The following CSKMT variants were observed in gnomAD, a reference collection of about 807,000 sequenced individuals.
CSKMT encodes the protein citrate synthase-lysine N-methyltransferase CSKMT, mitochondrial.
A neutral mutation model predicts 4.6 loss-of-function variants in CSKMT; 6 were observed. The observed-to-expected ratio is 1.31, with a 90% CI of 0.72 to 2.59. CSKMT has a LOEUF of 2.59. Ranked by LOEUF, CSKMT falls within the 30% of genes most tolerant of loss-of-function variation. The pLI is 0.00. For synonymous variants in CSKMT, 142 were observed against 128.9 expected, an observed-to-expected ratio of 1.10 and a Z score of -0.69; for missense variants, 328 against 298.0, an observed-to-expected ratio of 1.10 and a Z score of -0.74.
intron 2 of CSKMT, 190 bp from the exon 3 acceptor site, chr11:62,666,206 G>A (rs1193883016): frequency 1.4e-6 from 1 of 723,062 alleles, no homozygotes; most frequent in African/African-American, 1.8e-5. Context: ...CGGGCACGAT[G>A]GCGCCTATAG....
chr11:62,667,782 C>T lies in CSKMT; in HGVS notation c.*731C>T. 7.2e-7 allele frequency: 1 copy of T among 1,394,590 alleles called. No individual in the cohort carries two copies. Among genetic ancestry groups the T allele is most frequent in the South Asian group, 1.2e-5 (1 of 83,756 alleles). 86.4% of individuals were successfully genotyped at this position (1,394,590 alleles called of 1,614,324 possible). On this transcript the variant is annotated 3_prime_UTR_variant, in exon 3 of 3. Coordinates refer to ENST00000532971, the MANE Select transcript of CSKMT (RefSeq NM_001043229.2). ...AGGAAGAGAGGGGACAAAAATATTA[C>T]TGATATATTATCAAATTACAAAACT...
rs1944838328 is a variant in CSKMT at position 62,667,029 on chromosome 11, A to G, written c.701A>G (p.Tyr234Cys). The change falls in exon 3 of 3, where the codon TAC becomes TGC. Residue 234 changes from tyrosine to cysteine, a missense_variant. Transcript: ENST00000532971. ...TTCAGGGGCATCACCTACTTTGCTT[A>G]CTTGATTCAAGGCTCTCATTAAAGA... is the stretch of plus-strand genomic sequence containing the variant. ...GPFRGITYFA[Y>C]LIQGSH 1.2e-6 allele frequency: 2 copies of G among 1,605,984 alleles called. No homozygotes were observed. The highest frequency in any genetic ancestry group is 8.5e-7 in the Non-Finnish European group (1 of 1,176,022).
intron 1 of CSKMT, 76 bp from the exon 2 acceptor site, chr11:62,665,571 G>C: frequency 6.4e-7 from 1 of 1,568,538 alleles, no homozygotes; most frequent in Non-Finnish European, 8.6e-7. Context: ...CGGGACACCG[G>C]GAATCTCGGA....
At chr11:62,666,016 G>A (rs909195760) in intron 2 of CSKMT, 70 bp downstream of exon 2, 95 of 1,514,590 alleles carry the variant, frequency 6.3e-5, no homozygotes, top group Non-Finnish European at 8.0e-5. Context: ...TGGGTTCCTC[G>A]TGAGTCAGGA....
chr11:62,666,689 G>GGA lies in CSKMT; in HGVS notation c.361_362insGA (p.Glu121GlyfsTer66). On this transcript the variant is annotated frameshift_variant, in exon 3 of 3. Coordinates refer to ENST00000532971, the MANE Select transcript of CSKMT (RefSeq NM_001043229.2). LOFTEE classifies it low-confidence loss of function (END_TRUNC). Reference sequence around the variant, plus strand: ...TGTGGCCCACATGAATAGCCTCCTGGAGGGTGGCCCAGGCCAAACACCTCT... The same window carrying GGA: ...TGTGGCCCACATGAATAGCCTCCTGGGAAGGGTGGCCCAGGCCAAACACCTCT... The GGA allele has an allele frequency of 6.2e-6, 10 of 1,614,070 alleles. No homozygotes were observed. The highest frequency in any genetic ancestry group is 8.5e-6 in the Non-Finnish European group (10 of 1,180,016).
Position 62,667,084 on chromosome 11 carries a change from T to C in CSKMT, c.*33T>C. ...TTAGTAGTCCTGACCCTAGTATTTC[T>C]GTGGGCAAGGAGAGGGCTGAAGAAC... is the stretch of plus-strand genomic sequence containing the variant. On this transcript the variant is annotated 3_prime_UTR_variant, in exon 3 of 3. Coordinates refer to ENST00000532971, the MANE Select transcript of CSKMT (RefSeq NM_001043229.2). The C allele has an allele frequency of 6.5e-7, 1 of 1,534,052 alleles. No individual in the cohort carries two copies. Among genetic ancestry groups the C allele is most frequent in the Non-Finnish European group, 8.8e-7 (1 of 1,141,352 alleles).
rs761154247 is a variant in CSKMT at position 62,665,561 on chromosome 11, CG to C, written c.-233-83del. 3.2e-6 allele frequency: 5 copies of C among 1,567,818 alleles called. No individual in the cohort carries two copies. The South Asian group carries it at 5.6e-5, about 18-fold the overall frequency. On this transcript the variant is annotated intron_variant, in intron 1 of 2. Transcript: ENST00000532971. ...ATCCGCTGGTTCTATCCTCAAACGCCGGGACACCGGGAATCTCGGAGAAGGA... is the reference window on the plus strand; with the variant it reads ...ATCCGCTGGTTCTATCCTCAAACGCCGGACACCGGGAATCTCGGAGAAGGA...
In CSKMT at chr11:62,665,974, G is replaced by A. The variant is rs373978238; in HGVS notation, c.67+28G>A. 11 of 1,594,594 alleles carry A rather than the reference G, an allele frequency of 6.9e-6. No homozygotes were observed. In the African/African-American group the frequency reaches 8.1e-5, roughly 12 times the overall value. ...AGGGAGGTGGGGGCAGAGTGGAGAG[G>A]GCAAGGTGGGGGCAGAGTGGGGAGG... On this transcript the variant is annotated intron_variant, in intron 2 of 2. Coordinates refer to ENST00000532971, the MANE Select transcript of CSKMT (RefSeq NM_001043229.2).
intron 1 of CSKMT, 33 bp downstream of exon 1, chr11:62,665,365 G>A: frequency 1.1e-6 from 1 of 934,916 alleles, no homozygotes; most frequent in Non-Finnish European, 1.6e-6. Context: ...TAGCCAGATT[G>A]GGCGGCCGGG....
At position 62,665,835 on chromosome 11, in the gene CSKMT, A is replaced by T. The variant is rs754078168; in HGVS notation, c.-45A>T. On this transcript the variant is annotated 5_prime_UTR_variant, in exon 2 of 3. Transcript: ENST00000532971. ...GGCCTCTCCGGCTGGAGTAGGGTGG[A>T]CGCTTCACATAAGCTTCTCTGGTCG... 1 of 1,603,314 alleles carries T rather than the reference A, an allele frequency of 6.2e-7. No homozygotes were observed. The highest frequency in any genetic ancestry group is 8.5e-7 in the Non-Finnish European group (1 of 1,172,246).
In CSKMT at chr11:62,666,467, A is replaced by C. The variant is rs1239186309; in HGVS notation, c.139A>C (p.Thr47Pro). ...DRLHAQPRLGTVPTFDWFFGY... is the reference protein window; with the variant it reads ...DRLHAQPRLGPVPTFDWFFGY... ...GCTGCATGCCCAGCCTCGTTTGGGC[A>C]CTGTCCCCACCTTCGACTGGTTCTT... Residue 47 changes from threonine to proline, a missense_variant, in exon 3 of 3, where the codon ACT becomes CCT. Transcript: ENST00000532971. 6.2e-7 allele frequency: 1 copy of C among 1,613,742 alleles called. No individual in the cohort carries two copies. Among genetic ancestry groups the C allele is most frequent in the East Asian group, 2.2e-5 (1 of 44,888 alleles).
In CSKMT at chr11:62,667,820, C is replaced by G; in HGVS notation, c.*769C>G. On this transcript the variant is annotated 3_prime_UTR_variant, in exon 3 of 3. Coordinates refer to ENST00000532971, the MANE Select transcript of CSKMT (RefSeq NM_001043229.2). ...AAATTACAAAACTAGGCCAGGCATG[C>G]TGGCTCATACCTATAATCACAGCAC... The G allele has an allele frequency of 9.2e-7, 1 of 1,083,256 alleles. No individual in the cohort carries two copies. The allele number at this position is 1,083,256 out of a possible 1,614,324, so 67.1% of individuals were successfully genotyped here. A position where few individuals can be genotyped will look rare whatever the true frequency, so the allele number is the denominator to read the frequency against.
In CSKMT at chr11:62,667,516, T is replaced by C; in HGVS notation, c.*465T>C. 6.2e-7 allele frequency: 1 copy of C among 1,609,852 alleles called. No homozygotes were observed. The highest frequency in any genetic ancestry group is 8.5e-7 in the Non-Finnish European group (1 of 1,176,142). On this transcript the variant is annotated 3_prime_UTR_variant, in exon 3 of 3. Transcript: ENST00000532971. ...GAGATATTTGAGGGGGAGGGAACAA[T>C]ACTTACCCTCAAAGCTATTAGGAGG...
chr11:62,666,561 G>A lies in CSKMT; in HGVS notation c.233G>A (p.Arg78Gln), dbSNP rs1218694454. The stretch of plus-strand genomic sequence containing the variant: ...GAGGCACAGGCTGCCAGTCCTCTGC[G>A]AGTGCTGGATGTGGGCTGTGGGACT... ...LQEAQAASPLRVLDVGCGTSS... is the reference protein window; with the variant it reads ...LQEAQAASPLQVLDVGCGTSS... The change falls in exon 3 of 3, where the codon CGA becomes CAA. Residue 78 changes from arginine (R) to glutamine (Q), a missense_variant. Transcript: ENST00000532971. The A allele has an allele frequency of 1.7e-5, 27 of 1,614,038 alleles. No homozygotes were observed. The highest frequency in any genetic ancestry group is 6.7e-5 in the East Asian group (3 of 44,902).
In CSKMT at chr11:62,665,912, G is replaced by A; in HGVS notation, c.33G>A (p.Pro11=). Residue 11 remains proline (P), a synonymous_variant, in exon 2 of 3, where the codon CCG becomes CCA. Transcript: ENST00000532971. ...CGCTGCGTCGAATGCTCCACTTGCC[G>A]AGCCTGATGATGGGGACGTGCCGCC... MAALRRMLHL[P]SLMMGTCRPF... 6.2e-7 allele frequency: 1 copy of A among 1,613,352 alleles called. No individual in the cohort carries two copies. The highest frequency in any genetic ancestry group is 2.2e-5 in the East Asian group (1 of 44,880).
Position 62,667,149 on chromosome 11 carries a change from G to T in CSKMT, c.*98G>T. The T allele has an allele frequency of 1.6e-6, 2 of 1,289,168 alleles. No homozygotes were observed. The highest frequency in any genetic ancestry group is 2.3e-5 in the East Asian group (1 of 42,960). 79.9% of individuals were successfully genotyped at this position (1,289,168 alleles called of 1,614,324 possible). On this transcript the variant is annotated 3_prime_UTR_variant, in exon 3 of 3. Transcript: ENST00000532971. ...ATCTGGCTGCAAAGTGAGAATTTGA[G>T]TCCTGGCTTCCACATTTACTAGCTG...
Position 62,667,465 on chromosome 11 carries a change from G to A in CSKMT, c.*414G>A. On this transcript the variant is annotated 3_prime_UTR_variant, in exon 3 of 3. Coordinates refer to ENST00000532971, the MANE Select transcript of CSKMT (RefSeq NM_001043229.2). Reference sequence around the variant, plus strand: ...GTAAAAGGAGATTGTAAGAGGATGGGTATAAGGAGCTTCATAAACCTGGAT... The same window carrying A: ...GTAAAAGGAGATTGTAAGAGGATGGATATAAGGAGCTTCATAAACCTGGAT... 1.3e-6 allele frequency: 2 copies of A among 1,539,382 alleles called. No individual in the cohort carries two copies. Among genetic ancestry groups the A allele is most frequent in the South Asian group, 1.1e-5 (1 of 89,498 alleles).
rs1565128426 is a variant in CSKMT at position 62,667,130 on chromosome 11, C to T, written c.*79C>T. 5.1e-5 allele frequency: 72 copies of T among 1,414,898 alleles called. 1 individual carries two copies. Among genetic ancestry groups the T allele is most frequent in the Non-Finnish European group, 6.1e-5 (64 of 1,045,020 alleles). 87.6% of individuals were successfully genotyped at this position (1,414,898 alleles called of 1,614,324 possible). A position where few individuals can be genotyped will look rare whatever the true frequency, so the allele number is the denominator to read the frequency against. ...AGAACTGTCTTTGCAAGCTATCTGG[C>T]TGCAAAGTGAGAATTTGAGTCCTGG... On this transcript the variant is annotated 3_prime_UTR_variant, in exon 3 of 3. Transcript: ENST00000532971.
intron 1 of CSKMT, 35 bp from the exon 2 acceptor site, chr11:62,665,612 C>T: frequency 6.4e-7 from 1 of 1,556,166 alleles, no homozygotes; most frequent in Non-Finnish European, 8.6e-7. Flanking sequence ...CTGGCTCCTC[C>T]ATCGGGGTGC....
Sources: allele counts gnomAD v4.1 joint callset, GRCh38; gene constraint gnomAD v4.1.1; transcripts MANE v1.5; gene names NCBI Gene and HGNC (gene_info 2026-07-23, HGNC 2026-07-21).